Variants in RPUSD2 observed in about 807,000 individuals in gnomAD.
RPUSD2 encodes the protein RNA pseudouridine synthase domain containing 2.
RPUSD2 carries 31 observed loss-of-function variants against 41.5 expected under a neutral mutation model. The observed-to-expected ratio is 0.75, with a 90% confidence interval of 0.56 to 1.01. RPUSD2 has a LOEUF of 1.01. Ranked by LOEUF, RPUSD2 falls within the 50% of genes least tolerant of loss-of-function variation. The pLI is 0.00. For synonymous variants in RPUSD2, 305 were observed against 289.7 expected, an observed-to-expected ratio of 1.05 and a Z score of -0.54; for missense variants, 749 against 724.7, an observed-to-expected ratio of 1.03 and a Z score of -0.38.
At chr15:40,571,091 C>A (rs951325173) in intron 1 of RPUSD2, among the ~76,000 whole-genome samples, 1 of 151,888 alleles carries the variant, frequency 6.6e-6, no homozygotes, top group African/African-American at 2.4e-5. Context: ...CTCCCAGGTT[C>A]AAGCGATTCT....
chr15:40,570,436 G>T (rs1226559634), intron 1 of RPUSD2, among the ~76,000 whole-genome samples: 2 of 152,152 alleles, frequency 1.3e-5, no homozygotes, highest in African/African-American at 4.8e-5. Flanking sequence ...AACTCACAGG[G>T]GTAAGGCTAT....
intron 2 of RPUSD2, among the ~76,000 whole-genome samples, chr15:40,572,912 C>T (rs1301969378): frequency 6.6e-6 from 1 of 151,680 alleles, no homozygotes; most frequent in Non-Finnish European, 1.5e-5. Context: ...AATCATAATA[C>T]ATTTATTGAG....
Position 40,569,696 on chromosome 15 carries a change from G to A in RPUSD2, c.359G>A (p.Gly120Glu), listed in dbSNP as rs1891093635. ...VVPPPKKRRTGVSFGDEHFAE... is the reference protein window; with the variant it reads ...VVPPPKKRRTEVSFGDEHFAE... ...CCGCCCCCGAAGAAGCGGCGGACCG[G>A]GGTGAGCTTCGGAGATGAGCACTTT... The change falls in exon 1 of 3, where the codon GGG becomes GAG. Residue 120 changes from glycine to glutamate, a missense_variant. Gly to Glu is a moderately conservative substitution (Grantham distance 98, BLOSUM62 -2). Coordinates refer to ENST00000315616, the MANE Select transcript of RPUSD2 (RefSeq NM_152260.3). 1 of 1,573,342 alleles carries A rather than the reference G, an allele frequency of 6.4e-7. No homozygotes were observed. The highest frequency in any genetic ancestry group is 8.6e-7 in the Non-Finnish European group (1 of 1,157,986).
chr15:40,570,073 C>A, intron 1 of RPUSD2, 130 bp downstream of exon 1: 2 of 1,263,412 alleles, frequency 1.6e-6, no homozygotes, highest in Non-Finnish European at 1.1e-6. Context: ...CTAAAGCGTT[C>A]TCGCTTTCAT....
chr15:40,572,188 G>A lies in RPUSD2; in HGVS notation c.903+288G>A, dbSNP rs8030211. 2.6e-3 allele frequency among the ~76,000 whole-genome samples: 392 copies of A among 151,834 alleles called. 1 individual carries two copies. Among genetic ancestry groups the A allele is most frequent in the African/African-American group, 9.1e-3 (376 of 41,378 alleles). On this transcript the variant is annotated intron_variant, in intron 2 of 2. Transcript: ENST00000315616. ...CACACCTGTAATCCCAGCATTTTGG[G>A]AGGCTGAGGTGGGAGGATAGCTTGA... is the stretch of plus-strand genomic sequence containing the variant.
At position 40,572,357 on chromosome 15, in the gene RPUSD2, T is replaced by C. The variant is rs1206793115; in HGVS notation, c.903+457T>C. Among the ~76,000 whole-genome samples the C allele has an allele frequency of 8.5e-4, 129 of 151,070 alleles. 1 individual carries two copies. The highest frequency in any genetic ancestry group is 1.8e-4 in the Non-Finnish European group (12 of 67,866). On this transcript the variant is annotated intron_variant, in intron 2 of 2. Coordinates refer to ENST00000315616, the MANE Select transcript of RPUSD2 (RefSeq NM_152260.3). ...GCGGGCAGATCACGAGGTCAGGAGA[T>C]CGAGGTCATCCTGGCTAACACGGTG... is the stretch of plus-strand genomic sequence containing the variant.
Position 40,569,588 on chromosome 15 carries a change from T to C in RPUSD2, c.251T>C (p.Val84Ala). Residue 84 changes from valine (V) to alanine (A), a missense_variant, in exon 1 of 3, where the codon GTA becomes GCA. Val to Ala is a moderately conservative substitution (Grantham distance 64). Coordinates refer to ENST00000315616, the MANE Select transcript of RPUSD2 (RefSeq NM_152260.3). Reference protein sequence around the residue: ...PAGREVEPAPVGGEHPSAAAP... With the variant: ...PAGREVEPAPAGGEHPSAAAP... ...GGCCGGGAAGTGGAGCCGGCCCCAGTAGGCGGGGAGCATCCCTCGGCTGCA... is the reference window on the plus strand; with the variant it reads ...GGCCGGGAAGTGGAGCCGGCCCCAGCAGGCGGGGAGCATCCCTCGGCTGCA... 1 of 1,534,006 alleles carries C rather than the reference T, an allele frequency of 6.5e-7. No homozygotes were observed. The highest frequency in any genetic ancestry group is 8.8e-7 in the Non-Finnish European group (1 of 1,141,162).
intron 1 of RPUSD2, among the ~76,000 whole-genome samples, chr15:40,570,328 G>A (rs919578151): frequency 8.5e-5 from 13 of 152,184 alleles, no homozygotes; most frequent in African/African-American, 2.9e-4. Flanking sequence ...TTTACTGTGT[G>A]CTGGGCACAA....
chr15:40,569,903 T>G lies in RPUSD2; in HGVS notation c.566T>G (p.Leu189Arg), dbSNP rs762970468. ...EAAVRAGRLQ[L>R]NEKPVQDLNI... ...GCGGTCCGGGCGGGCCGCCTGCAAC[T>G]CAACGAGAAGCCGGTGCAGGACCTC... Residue 189 changes from leucine to arginine, a missense_variant, in exon 1 of 3, where the codon CTC becomes CGC. By Grantham distance (102) the Leu-to-Arg change is moderately radical (BLOSUM62 -2). Coordinates refer to ENST00000315616, the MANE Select transcript of RPUSD2 (RefSeq NM_152260.3). The G allele has an allele frequency of 1.3e-6, 2 of 1,569,806 alleles. No homozygotes were observed. The highest frequency in any genetic ancestry group is 8.6e-7 in the Non-Finnish European group (1 of 1,157,850).
intron 2 of RPUSD2, 42 bp downstream of exon 2, chr15:40,571,942 C>G (rs1324645215): frequency 6.3e-7 from 1 of 1,583,764 alleles, no homozygotes. Context: ...TTCTTGGGCT[C>G]ACGAATGCTC....
rs1384430668 is a variant in RPUSD2, at chr15:40,573,643, G to A, written c.1020G>A (p.Arg340=). Residue 340 remains arginine (R), a synonymous_variant, in exon 3 of 3, where the codon CGG becomes CGA. Coordinates refer to ENST00000315616, the MANE Select transcript of RPUSD2 (RefSeq NM_152260.3). Reference sequence around the variant, plus strand: ...TAGGGGTGTGCCGTGTAGATCCCCGGGGCAAGCCCTGTGAGACAGTGTTCC... The same window carrying A: ...TAGGGGTGTGCCGTGTAGATCCCCGAGGCAAGCCCTGTGAGACAGTGTTCC... ...YKVGVCRVDP[R]GKPCETVFQR... is the part of the protein sequence containing the mutation. 6.9e-7 allele frequency: 1 copy of A among 1,441,180 alleles called. No individual in the cohort carries two copies. Among genetic ancestry groups the A allele is most frequent in the South Asian group, 1.5e-5 (1 of 65,942 alleles). The allele number at this position is 1,441,180 out of a possible 1,614,324, so 89.3% of individuals were successfully genotyped here.
At position 40,570,160 on chromosome 15, in the gene RPUSD2, T is replaced by A. The variant is rs1159885733; in HGVS notation, c.606+217T>A. 5.5e-6 allele frequency: 3 copies of A among 549,430 alleles called. No individual in the cohort carries two copies. In the African/African-American group the frequency reaches 5.7e-5, roughly 10 times the overall value. The allele number at this position is 549,430 out of a possible 1,614,324, so 34.0% of individuals were successfully genotyped here. A position where few individuals can be genotyped will look rare whatever the true frequency, so the allele number is the denominator to read the frequency against. ...TGTGCTTCAGGACTCAGCCTGTTTA[T>A]CCTCTTCCTCAAGGCAGCTTCCTTG... On this transcript the variant is annotated intron_variant, in intron 1 of 2. Transcript: ENST00000315616.
intron 2 of RPUSD2, 69 bp from the exon 3 acceptor site, chr15:40,573,458 T>C: frequency 6.5e-7 from 1 of 1,531,386 alleles, no homozygotes; most frequent in Non-Finnish European, 8.8e-7. Flanking sequence ...TCCTTATCAC[T>C]CCACAAAGAG....
chr15:40,571,524 G>A (rs1031511194), intron 1 of RPUSD2, 80 bp from the exon 2 acceptor site: 3 of 1,331,722 alleles, frequency 2.3e-6, no homozygotes, highest in Non-Finnish European at 3.1e-6. Flanking sequence ...TGTCAGTGAG[G>A]AACAGGGGAA....
At chr15:40,573,386 A>T in intron 2 of RPUSD2, 141 bp from the exon 3 acceptor site, 1 of 815,318 alleles carries the variant, frequency 1.2e-6, no homozygotes, top group Non-Finnish European at 1.9e-6. Flanking sequence ...AGGTTAAGTA[A>T]TGTACCCAAG....
rs575557510 is a variant in RPUSD2 at position 40,573,025 on chromosome 15, T to C, written c.904-502T>C. 2.6e-3 allele frequency among the ~76,000 whole-genome samples: 352 copies of C among 137,908 alleles called. 9 individuals carry two copies. In the East Asian group the frequency reaches 0.052, roughly 20 times the overall value. The allele number at this position is 137,908 out of a possible 152,430, so 90.5% of individuals were successfully genotyped here. Reference sequence around the variant, plus strand: ...AAATGCTTTTCTTTTCTTTTCTTTTTTTTTTTTTTTTTTTTTGAGATGGAG... The same window carrying C: ...AAATGCTTTTCTTTTCTTTTCTTTTCTTTTTTTTTTTTTTTTGAGATGGAG... On this transcript the variant is annotated intron_variant, in intron 2 of 2. Coordinates refer to ENST00000315616, the MANE Select transcript of RPUSD2 (RefSeq NM_152260.3).
chr15:40,569,331 C>G lies in RPUSD2; in HGVS notation c.-7C>G. 2.7e-6 allele frequency: 4 copies of G among 1,459,778 alleles called. No homozygotes were observed. The highest frequency in any genetic ancestry group is 3.6e-6 in the Non-Finnish European group (4 of 1,105,462). 90.4% of individuals were successfully genotyped at this position (1,459,778 alleles called of 1,614,324 possible). ...GACCCTGGGAGTGGAGTGGGGGCAG[C>G]GTGGTTATGTGGCTGGACCGCCGCG... On this transcript the variant is annotated 5_prime_UTR_variant, in exon 1 of 3. Transcript: ENST00000315616.
chr15:40,572,023 T>C, intron 2 of RPUSD2, 123 bp downstream of exon 2: 2 of 1,037,130 alleles, frequency 1.9e-6, no homozygotes, highest in Non-Finnish European at 2.8e-6. Context: ...CCTACCTTCC[T>C]ACCTTAAGGC....
At position 40,569,662 on chromosome 15, in the gene RPUSD2, C is replaced by A; in HGVS notation, c.325C>A (p.Arg109Ser). The change falls in exon 1 of 3, where the codon CGT becomes AGT. Residue 109 changes from arginine (R) to serine (S), a missense_variant. Arg to Ser is a moderately radical substitution (Grantham distance 110). Transcript: ENST00000315616. The stretch of plus-strand genomic sequence containing the variant: ...GAAGCGGCGGGGCGCAACCAGGGAG[C>A]GTGTCGTGCCGCCCCCGAAGAAGCG... ...HKKRRGATRE[R>S]VVPPPKKRRT... 1 of 1,545,742 alleles carries A rather than the reference C, an allele frequency of 6.5e-7. No homozygotes were observed. The highest frequency in any genetic ancestry group is 1.2e-5 in the South Asian group (1 of 82,032).
Sources: allele counts gnomAD v4.1 joint callset (sites outside exome capture counted in the v4.1 genomes callset), GRCh38; gene constraint gnomAD v4.1.1; transcripts MANE v1.5; gene names NCBI Gene and HGNC (gene_info 2026-07-23, HGNC 2026-07-21).